The following OSBPL3 variants were observed in gnomAD, a reference collection of about 807,000 sequenced individuals.
OSBPL3 encodes oxysterol-binding protein-related protein 3.
OSBPL3 carries 65 observed loss-of-function variants against 120.1 expected under a neutral mutation model. That is an observed-to-expected ratio of 0.54 (90% confidence interval 0.44 to 0.67). The LOEUF is 0.67. OSBPL3 is among the 30% of genes least tolerant of loss of function. The pLI, the probability that OSBPL3 is intolerant of heterozygous loss-of-function variation, is 0.00. For missense variants in OSBPL3, 1,004 were observed against 1,082.1 expected (o/e 0.93, Z 1.01); for synonymous variants, 416 against 402.6 (o/e 1.03, Z -0.40).
chr7:24,969,318 T>C (rs1034441288), intron 1 of OSBPL3, among the ~76,000 whole-genome samples: 3 of 152,372 alleles, frequency 2.0e-5, no homozygotes, highest in Non-Finnish European at 4.4e-5. Context: ...ACTCTTTGCC[T>C]TTACAGTAAC....
chr7:24,962,388 AG>A (rs1227020893), intron 1 of OSBPL3, among the ~76,000 whole-genome samples: 3 of 112,310 alleles, frequency 2.7e-5, no homozygotes, highest in African/African-American at 6.6e-5. Flanking sequence ...AGGAGAGGGG[AG>A]GGGGGAGGGG....
intron 12 of OSBPL3, among the ~76,000 whole-genome samples, chr7:24,843,003 G>A (rs1000341193): frequency 1.3e-5 from 2 of 152,236 alleles, no homozygotes; most frequent in African/African-American, 4.8e-5. Flanking sequence ...ATGACTGCAA[G>A]GAAAGGAAGT....
Position 24,830,009 on chromosome 7 carries a change from C to T in OSBPL3, c.1884+759G>A, listed in dbSNP as rs980014404. ...CACGTGAGGTACATATAACTGTCAT[C>T]CTCTCCACTCTCAAGAGCAAACTAA... is the stretch of plus-strand genomic sequence containing the variant. On this transcript the variant is annotated intron_variant, in intron 16 of 22. Coordinates refer to ENST00000313367, the MANE Select transcript of OSBPL3 (RefSeq NM_015550.4). The surrounding 1 kb of genome is among the most constrained non-coding windows in gnomAD (Gnocchi z 4.4). Among the ~76,000 whole-genome samples the T allele has an allele frequency of 1.3e-5, 2 of 152,172 alleles. No individual in the cohort carries two copies. The highest frequency in any genetic ancestry group is 4.8e-5 in the African/African-American group (2 of 41,420).
At chr7:24,901,018 C>A (rs1584553578) in intron 1 of OSBPL3, among the ~76,000 whole-genome samples, 3 of 115,808 alleles carry the variant, frequency 2.6e-5, no homozygotes, top group Admixed American at 1.8e-4. Context: ...CAGACCTTGT[C>A]TCGAAAAAAA....
At chr7:24,970,862 A>G (rs370504728) in intron 1 of OSBPL3, among the ~76,000 whole-genome samples, 156 of 152,366 alleles carry the variant, frequency 1.0e-3, no homozygotes, top group African/African-American at 3.5e-3. Flanking sequence ...GCCCCACCCA[A>G]GTTCTGCTAA....
intron 1 of OSBPL3, among the ~76,000 whole-genome samples, chr7:24,962,755 C>T (rs951411413): frequency 1.3e-5 from 2 of 152,152 alleles, no homozygotes; most frequent in Non-Finnish European, 2.9e-5. Context: ...TAGGTCCAGC[C>T]GTGCCTGAAG....
In OSBPL3 at chr7:24,947,474, C is replaced by A. The variant is rs1273057323; in HGVS notation, c.-150+32412G>T. 6.6e-6 allele frequency among the ~76,000 whole-genome samples: 1 copy of A among 152,162 alleles called. No homozygotes were observed. The highest frequency in any genetic ancestry group is 2.4e-5 in the African/African-American group (1 of 41,426). ...ACTGCTGCTTTTGCTCCCCACGTGA[C>A]TACCCCTGAAAGCTGCATATTTTTA... On this transcript the variant is annotated intron_variant, in intron 1 of 22. Coordinates refer to ENST00000313367, the MANE Select transcript of OSBPL3 (RefSeq NM_015550.4). The surrounding 1 kb of genome is among the most constrained non-coding windows in gnomAD (Gnocchi z 4.4).
rs984710876 is a variant in OSBPL3, at chr7:24,947,555, AT to A, written c.-150+32330del. Among the ~76,000 whole-genome samples, 6 of 152,146 alleles carry A rather than the reference AT, an allele frequency of 3.9e-5. No individual in the cohort carries two copies. Among genetic ancestry groups the A allele is most frequent in the African/African-American group, 1.4e-4 (6 of 41,426 alleles). ...ATCAAGAAATGAATTTCAAAGTAAC[AT>A]TTTTAGCATAATATTTAATCCCTAA... On this transcript the variant is annotated intron_variant, in intron 1 of 22. Transcript: ENST00000313367. The surrounding 1 kb of genome is among the most constrained non-coding windows in gnomAD (Gnocchi z 4.4).
At chr7:24,840,882 A>C in intron 13 of OSBPL3, 99 bp from the exon 14 acceptor site, 1 of 629,294 alleles carries the variant, frequency 1.6e-6, no homozygotes, top group Admixed American at 3.4e-5. Context: ...GTTGAGTCTC[A>C]CAGTACAAAT....
chr7:24,874,936 A>G (rs7456235), intron 2 of OSBPL3, among the ~76,000 whole-genome samples: 19,218 of 152,198 alleles, frequency 0.13, 1,891 homozygotes, highest in East Asian at 0.53. Flanking sequence ...GAGGTTGCAA[A>G]TGCTCCCTCG....
chr7:24,820,042 G>A lies in OSBPL3; in HGVS notation c.1948+133C>T, dbSNP rs544320424. ...GAGATGAGAGGCAAGAACAGGTGGC[G>A]CAGATCCTTCCAACCAGGCCCAAAT... is the stretch of plus-strand genomic sequence containing the variant. On this transcript the variant is annotated intron_variant, in intron 17 of 22. Transcript: ENST00000313367. The surrounding 1 kb of genome is among the most constrained non-coding windows in gnomAD (Gnocchi z 4.6). The A allele has an allele frequency of 3.4e-5, 20 of 591,362 alleles. No individual in the cohort carries two copies. The highest frequency in any genetic ancestry group is 5.9e-5 in the Non-Finnish European group (19 of 322,472). 36.6% of individuals were successfully genotyped at this position (591,362 alleles called of 1,614,324 possible).
rs1422340090 is a variant in OSBPL3 at position 24,808,382 on chromosome 7, G to A, written c.2317+1425C>T. On this transcript the variant is annotated intron_variant, in intron 20 of 22. Transcript: ENST00000313367. This position sits in a 1 kb window ranked among gnomAD's most constrained non-coding sequence, Gnocchi z 4.6. ...CAGGGATGCTCACTGCCATTAGAGA[G>A]ACATAAAGTCAAGGAATAATGACAG... Among the ~76,000 whole-genome samples, 1 of 152,186 alleles carries A rather than the reference G, an allele frequency of 6.6e-6. No individual in the cohort carries two copies. The highest frequency in any genetic ancestry group is 1.5e-5 in the Non-Finnish European group (1 of 68,044).
chr7:24,882,139 G>C (rs2128311711), intron 2 of OSBPL3, among the ~76,000 whole-genome samples: 1 of 152,200 alleles, frequency 6.6e-6, no homozygotes, highest in East Asian at 1.9e-4. Flanking sequence ...TATTTATAGG[G>C]TACCTGTGCA....
intron 2 of OSBPL3, among the ~76,000 whole-genome samples, chr7:24,890,307 TG>T (rs1455563686): frequency 1.3e-5 from 2 of 152,218 alleles, no homozygotes; most frequent in Non-Finnish European, 2.9e-5. Context: ...AGTGTTTAAC[TG>T]GTACTCTTCA....
Position 24,800,613 on chromosome 7 carries a change from T to C in OSBPL3, c.2568-334A>G, listed in dbSNP as rs978510235. 2.0e-5 allele frequency among the ~76,000 whole-genome samples: 3 copies of C among 151,976 alleles called. No individual in the cohort carries two copies. In the East Asian group the frequency reaches 5.8e-4, roughly 29 times the overall value. Reference sequence around the variant, plus strand: ...CTGGGACTACAGCCATGTGCAACCATGCCCGACTAATTTTTGTATTTTTAG... The same window carrying C: ...CTGGGACTACAGCCATGTGCAACCACGCCCGACTAATTTTTGTATTTTTAG... On this transcript the variant is annotated intron_variant, in intron 22 of 22. Transcript: ENST00000313367.
chr7:24,849,248 C>T lies in OSBPL3; in HGVS notation c.1159-72G>A, dbSNP rs1287460138. On this transcript the variant is annotated intron_variant, in intron 11 of 22. Coordinates refer to ENST00000313367, the MANE Select transcript of OSBPL3 (RefSeq NM_015550.4). The surrounding 1 kb of genome is among the most constrained non-coding windows in gnomAD (Gnocchi z 5.4). ...CAGAAAAGCACAGCAGTGGGCCCTG[C>T]AGGAGCGATCTCTAAGAGCTTGATG... The T allele has an allele frequency of 6.4e-6, 7 of 1,093,578 alleles. No individual in the cohort carries two copies. The highest frequency in any genetic ancestry group is 9.6e-6 in the Non-Finnish European group (7 of 727,800). 67.7% of individuals were successfully genotyped at this position (1,093,578 alleles called of 1,614,324 possible). A position where few individuals can be genotyped will look rare whatever the true frequency, so the allele number is the denominator to read the frequency against.
At chr7:24,801,240 T>C (rs1320024792) in intron 22 of OSBPL3, among the ~76,000 whole-genome samples, 2 of 91,520 alleles carry the variant, frequency 2.2e-5, no homozygotes, top group African/African-American at 1.4e-4. Flanking sequence ...CAAGACTCCT[T>C]CTCAAAAAAA....
chr7:24,979,479 G>A (rs1272856410), intron 1 of OSBPL3, among the ~76,000 whole-genome samples: 1 of 152,174 alleles, frequency 6.6e-6, no homozygotes, highest in Admixed American at 6.5e-5. Context: ...TCCCGCGGAT[G>A]TGGTAAAGCT....
intron 12 of OSBPL3, among the ~76,000 whole-genome samples, chr7:24,844,625 A>C (rs1397923648): frequency 3.3e-5 from 5 of 152,242 alleles, no homozygotes; most frequent in Non-Finnish European, 7.3e-5. Context: ...CTATGTATGT[A>C]ATTTTATAAA....
Sources: allele counts gnomAD v4.1 joint callset (sites outside exome capture counted in the v4.1 genomes callset), GRCh38; gene constraint gnomAD v4.1.1; non-coding constraint Gnocchi (gnomAD v3.1); transcripts MANE v1.5; gene names NCBI Gene and HGNC (gene_info 2026-07-23, HGNC 2026-07-21).